The following SMYD3 variants were observed in gnomAD, a reference collection of about 807,000 sequenced individuals.
SMYD3 encodes SET and MYND domain containing 3, also known as histone-lysine N-methyltransferase SMYD3.
In SMYD3, 36 loss-of-function variants were observed where a neutral mutation model predicts 57.7. The observed-to-expected ratio is 0.62, with a 90% CI of 0.48 to 0.82. The LOEUF (loss-of-function observed/expected upper bound fraction) is 0.82, where lower values mean the gene tolerates loss of function less well. Ranked by LOEUF, SMYD3 falls within the 40% of genes least tolerant of loss-of-function variation. The pLI, the probability that SMYD3 is intolerant of heterozygous loss-of-function variation, is 0.00. For missense variants in SMYD3, 515 were observed against 538.8 expected (o/e 0.96, Z 0.44); for synonymous variants, 211 against 195.0 (o/e 1.08, Z -0.68).
chr1:246,036,367 C>G (rs556617064), intron 5 of SMYD3, among the ~76,000 whole-genome samples: 13 of 152,264 alleles, frequency 8.5e-5, no homozygotes, highest in African/African-American at 3.1e-4. Context: ...TGACCATCCC[C>G]CCATCCACCC....
At chr1:246,435,592 T>C (rs1203567198) in intron 1 of SMYD3, among the ~76,000 whole-genome samples, 1 of 151,838 alleles carries the variant, frequency 6.6e-6, no homozygotes, top group Non-Finnish European at 1.5e-5. Context: ...ACAAAGCCAC[T>C]GCTTTTCTCT....
At chr1:245,948,229 C>T (rs1216101363) in intron 5 of SMYD3, among the ~76,000 whole-genome samples, 1 of 152,098 alleles carries the variant, frequency 6.6e-6, no homozygotes, top group Non-Finnish European at 1.5e-5. Context: ...AGAATCGAAA[C>T]AGCAGGACGG....
At chr1:245,780,156 T>C (rs555735564) in intron 10 of SMYD3, among the ~76,000 whole-genome samples, 2 of 152,326 alleles carry the variant, frequency 1.3e-5, no homozygotes, top group East Asian at 3.9e-4. Context: ...TCATATGACC[T>C]AGCAATTCTA....
chr1:246,319,247 G>A (rs776975770), intron 5 of SMYD3, among the ~76,000 whole-genome samples: 6 of 152,198 alleles, frequency 3.9e-5, no homozygotes, highest in Admixed American at 1.3e-4. Context: ...CAGAAGAGAA[G>A]TATAATCCCA....
chr1:246,425,464 C>A (rs2067204811), intron 1 of SMYD3, among the ~76,000 whole-genome samples: 1 of 152,146 alleles, frequency 6.6e-6, no homozygotes, highest in Non-Finnish European at 1.5e-5. Context: ...CTCTTACATG[C>A]CTAAGGCTTT....
At chr1:245,859,540 T>C (rs1331817084) in intron 9 of SMYD3, among the ~76,000 whole-genome samples, 1 of 152,212 alleles carries the variant, frequency 6.6e-6, no homozygotes, top group East Asian at 1.9e-4. Flanking sequence ...ACATGGTTTA[T>C]GGAGCGTAAT....
chr1:246,028,529 G>A (rs2059615516), intron 5 of SMYD3, among the ~76,000 whole-genome samples: 1 of 152,096 alleles, frequency 6.6e-6, no homozygotes, highest in Non-Finnish European at 1.5e-5. Flanking sequence ...TATTGAAGGA[G>A]GAGAGAGAAC....
intron 5 of SMYD3, among the ~76,000 whole-genome samples, chr1:245,932,426 A>G (rs1206132309): frequency 6.6e-6 from 1 of 152,120 alleles, no homozygotes; most frequent in Non-Finnish European, 1.5e-5. Context: ...ATCATACTGG[A>G]TCATTATTTA....
intron 10 of SMYD3, among the ~76,000 whole-genome samples, chr1:245,838,864 A>T (rs10924350): frequency 0.41 from 62,054 of 152,112 alleles, 14,576 homozygotes; most frequent in East Asian, 0.87. Flanking sequence ...TGCAGGAGAC[A>T]TACAATCCCA....
intron 5 of SMYD3, among the ~76,000 whole-genome samples, chr1:246,177,470 G>C (rs1388208731): frequency 6.6e-6 from 1 of 152,056 alleles, no homozygotes; most frequent in Non-Finnish European, 1.5e-5. Flanking sequence ...CCACTCTATA[G>C]AAAAGCAAAA....
chr1:246,456,418 G>C (rs181946514), intron 1 of SMYD3, among the ~76,000 whole-genome samples: 2 of 152,258 alleles, frequency 1.3e-5, no homozygotes, highest in East Asian at 3.9e-4. Flanking sequence ...TGCTTTTCTA[G>C]ATCCATCACT....
At chr1:246,096,856 C>T (rs970360868) in intron 5 of SMYD3, among the ~76,000 whole-genome samples, 2 of 152,178 alleles carry the variant, frequency 1.3e-5, no homozygotes, top group African/African-American at 4.8e-5. Flanking sequence ...GTGCAACAAC[C>T]ACCAAATGAT....
At chr1:245,818,044 G>T (rs1346150504) in intron 10 of SMYD3, among the ~76,000 whole-genome samples, 2 of 151,906 alleles carry the variant, frequency 1.3e-5, no homozygotes, top group African/African-American at 4.8e-5. Context: ...GAAATACAGA[G>T]AACGCCACAA....
chr1:245,997,684 T>C (rs1452010734), intron 5 of SMYD3, among the ~76,000 whole-genome samples: 1 of 152,076 alleles, frequency 6.6e-6, no homozygotes, highest in Non-Finnish European at 1.5e-5. Context: ...GCACCCACCA[T>C]CGTGATTCCC....
intron 5 of SMYD3, among the ~76,000 whole-genome samples, chr1:246,023,104 T>A (rs1437407889): frequency 1.3e-5 from 2 of 152,160 alleles, no homozygotes; most frequent in African/African-American, 2.4e-5. Flanking sequence ...CACAGGCAGG[T>A]TTTTGTTCCA....
chr1:245,923,996 G>C (rs763993208), intron 7 of SMYD3, among the ~76,000 whole-genome samples: 1 of 152,230 alleles, frequency 6.6e-6, no homozygotes, highest in South Asian at 2.1e-4. Flanking sequence ...ATCAGATTAA[G>C]ACTGACATTA....
chr1:246,487,318 G>A (rs139405663), intron 1 of SMYD3, among the ~76,000 whole-genome samples: 2,495 of 152,036 alleles, frequency 0.016, 31 homozygotes, highest in Non-Finnish European at 0.024. Context: ...ATGGTGGTGC[G>A]CACCTGTAAT....
At chr1:246,352,056 G>A (rs534998633) in intron 2 of SMYD3, among the ~76,000 whole-genome samples, 168 of 146,884 alleles carry the variant, frequency 1.1e-3, no homozygotes, top group Admixed American at 2.2e-3. Context: ...AGAATTGCTT[G>A]AACCTGGGAG....
intron 10 of SMYD3, among the ~76,000 whole-genome samples, chr1:245,768,387 T>C (rs1413114343): frequency 6.6e-6 from 1 of 152,182 alleles, no homozygotes; most frequent in Non-Finnish European, 1.5e-5. Context: ...GGAACTGGGA[T>C]CTGAAGTCAA....
Sources: gnomAD v4.1 joint callset for allele counts (sites outside exome capture counted in the v4.1 genomes callset) on GRCh38, gnomAD v4.1.1 for gene constraint, MANE v1.5 for transcripts, NCBI Gene and HGNC (gene_info 2026-07-23, HGNC 2026-07-21) for gene names.